The following ABI3BP variants were observed in gnomAD, a reference collection of about 807,000 sequenced individuals.
ABI3BP encodes the protein ABI family member 3 binding protein.
In ABI3BP, 216 loss-of-function variants were observed where a neutral mutation model predicts 268.6. The observed-to-expected ratio is 0.80, with a 90% CI of 0.72 to 0.90. ABI3BP has a LOEUF of 0.90. Among genes scored for constraint, ABI3BP ranks in the 40% least tolerant of loss-of-function variants. ABI3BP has a pLI of 0.00. For missense variants in ABI3BP, 2,090 were observed against 2,182.4 expected (o/e 0.96, Z 0.84); for synonymous variants, 730 against 730.0 (o/e 1.00, Z 0.00).
intron 44 of ABI3BP, among the ~76,000 whole-genome samples, chr3:100,814,194 C>G (rs1428582374): frequency 6.6e-6 from 1 of 152,020 alleles, no homozygotes; most frequent in East Asian, 1.9e-4. Flanking sequence ...AAATTGCTGA[C>G]TCCTGATTCA....
chr3:100,777,604 G>A (rs2096742665), intron 59 of ABI3BP, among the ~76,000 whole-genome samples: 1 of 152,178 alleles, frequency 6.6e-6, no homozygotes, highest in African/African-American at 2.4e-5. Flanking sequence ...TCAAGGACAA[G>A]AACAGAGAAG....
chr3:100,905,277 G>C (rs1489137677), intron 2 of ABI3BP, among the ~76,000 whole-genome samples: 1 of 152,008 alleles, frequency 6.6e-6, no homozygotes, highest in East Asian at 1.9e-4. Context: ...TGGGGTATGG[G>C]GGAAGGATAG....
chr3:100,952,449 C>T (rs1341694349), intron 1 of ABI3BP, among the ~76,000 whole-genome samples: 1 of 151,948 alleles, frequency 6.6e-6, no homozygotes, highest in East Asian at 1.9e-4. Flanking sequence ...TGATGTTTGC[C>T]TTTCATATGT....
At chr3:100,937,730 C>T (rs947504182) in intron 1 of ABI3BP, among the ~76,000 whole-genome samples, 8 of 152,002 alleles carry the variant, frequency 5.3e-5, no homozygotes, top group Non-Finnish European at 8.8e-5. Context: ...GCTCTAAGAA[C>T]GGACAATGCT....
At chr3:100,867,146 A>G (rs1209003991) in intron 9 of ABI3BP, among the ~76,000 whole-genome samples, 190 bp from the exon 10 acceptor site, 2 of 152,178 alleles carry the variant, frequency 1.3e-5, no homozygotes, top group African/African-American at 2.4e-5. Flanking sequence ...TTAACCCTAC[A>G]TAATTCTTTC....
intron 57 of ABI3BP, among the ~76,000 whole-genome samples, chr3:100,781,247 G>A (rs2096856076): frequency 6.6e-6 from 1 of 152,064 alleles, no homozygotes; most frequent in Admixed American, 6.6e-5. Context: ...TTTAATGTGT[G>A]GGCAGATATA....
At chr3:100,882,296 TA>T (rs570251995) in intron 6 of ABI3BP, among the ~76,000 whole-genome samples, 2 of 152,084 alleles carry the variant, frequency 1.3e-5, no homozygotes, top group South Asian at 4.1e-4. Flanking sequence ...TTCTTTGGAC[TA>T]AAATATACCT....
intron 1 of ABI3BP, among the ~76,000 whole-genome samples, chr3:100,944,386 C>T (rs1345963369): frequency 6.6e-6 from 1 of 151,982 alleles, no homozygotes; most frequent in African/African-American, 2.4e-5. Flanking sequence ...TCATTAAATT[C>T]CATTGGCCAA....
intron 2 of ABI3BP, among the ~76,000 whole-genome samples, chr3:100,919,584 A>G (rs2059642302): frequency 6.6e-6 from 1 of 152,218 alleles, no homozygotes; most frequent in Non-Finnish European, 1.5e-5. Context: ...TTTGCTTTTA[A>G]ATTTTTGAAA....
rs72928697 is a variant in ABI3BP at position 100,750,041 on chromosome 3, C to T, written c.*454G>A. 7,737 of 283,268 alleles carry T rather than the reference C, an allele frequency of 0.027. 426 individuals carry two copies. Among genetic ancestry groups the T allele is most frequent in the African/African-American group, 0.13 (6,085 of 46,538 alleles). The allele number at this position is 283,268 out of a possible 1,614,324, so 17.5% of individuals were successfully genotyped here. A position where few individuals can be genotyped will look rare whatever the true frequency, so the allele number is the denominator to read the frequency against. On this transcript the variant is annotated 3_prime_UTR_variant, in exon 68 of 68. Transcript: ENST00000471714. ...TTCGGACCTTTTTTCCCCAGATATA[C>T]ATGCTGAAGATAATTTGATCCAATA...
intron 38 of ABI3BP, 65 bp from the exon 39 acceptor site, chr3:100,821,178 T>C: frequency 1.4e-6 from 2 of 1,384,432 alleles, no homozygotes; most frequent in East Asian, 2.5e-5. Context: ...AAAACTTTTC[T>C]TCAAAAATGA....
At chr3:100,765,627 G>C (rs1334917656) in intron 63 of ABI3BP, among the ~76,000 whole-genome samples, 4 of 152,048 alleles carry the variant, frequency 2.6e-5, no homozygotes, top group Admixed American at 1.3e-4. Flanking sequence ...TAATTAACAA[G>C]ACCACCTTGT....
chr3:100,762,663 T>C (rs1010632310), intron 63 of ABI3BP, among the ~76,000 whole-genome samples: 2 of 152,220 alleles, frequency 1.3e-5, no homozygotes, highest in Non-Finnish European at 2.9e-5. Flanking sequence ...TTTTTTCTAA[T>C]GGAGATTTCA....
At position 100,864,054 on chromosome 3, in the gene ABI3BP, T is replaced by C. The variant is rs770276443; in HGVS notation, c.1086A>G (p.Glu362=). ...GAGGTATTAGAATAGTTTGCAATGTTTCCGGGGTCCTTTTGCTGAGAACTA... is the reference window on the plus strand; with the variant it reads ...GAGGTATTAGAATAGTTTGCAATGTCTCCGGGGTCCTTTTGCTGAGAACTA... ...TTLVLSKRTP[E]TLQTILIPQF... Residue 362 remains glutamate, a synonymous_variant, in exon 12 of 68, where the codon GAA becomes GAG. Transcript: ENST00000471714. The C allele has an allele frequency of 4.0e-5, 61 of 1,536,116 alleles. No homozygotes were observed. Among genetic ancestry groups the C allele is most frequent in the Non-Finnish European group, 5.3e-5 (61 of 1,146,796 alleles).
At chr3:100,848,725 C>A in intron 18 of ABI3BP, 76 bp downstream of exon 18, 1 of 1,449,784 alleles carries the variant, frequency 6.9e-7, no homozygotes, top group East Asian at 2.3e-5. Context: ...CTGCACCTGG[C>A]TATCCTTCTT....
chr3:100,814,914 G>C (rs1037400792), intron 44 of ABI3BP, among the ~76,000 whole-genome samples: 1 of 152,106 alleles, frequency 6.6e-6, no homozygotes, highest in South Asian at 2.1e-4. Context: ...AATGAGCCCT[G>C]TAATTGTCAA....
chr3:100,782,258 G>A lies in ABI3BP; in HGVS notation c.4163-2049C>T, dbSNP rs560797547. ...GTCCACCAAGTCACAGGGGCTGGTA[G>A]GTTAGAAATCTAGGAGCTCTGAAGA... is the stretch of plus-strand genomic sequence containing the variant. On this transcript the variant is annotated intron_variant, in intron 57 of 67. Coordinates refer to ENST00000471714, the MANE Select transcript of ABI3BP (RefSeq NM_001375547.2). Among the ~76,000 whole-genome samples the A allele has an allele frequency of 2.4e-4, 37 of 152,334 alleles. No individual in the cohort carries two copies. In the South Asian group the frequency reaches 2.9e-3, roughly 12 times the overall value.
chr3:100,904,833 C>T (rs2052468178), intron 2 of ABI3BP, among the ~76,000 whole-genome samples: 1 of 152,154 alleles, frequency 6.6e-6, no homozygotes, highest in South Asian at 2.1e-4. Context: ...CTAGTTCAAC[C>T]ATTATGGAAG....
At chr3:100,753,036 G>A (rs1450895426) in intron 65 of ABI3BP, 88 bp from the exon 66 acceptor site, 1 of 1,295,232 alleles carries the variant, frequency 7.7e-7, no homozygotes, top group Non-Finnish European at 1.0e-6. Context: ...TCAACTTGCT[G>A]ATACCTTTTT....
Sources: gnomAD v4.1 joint callset for allele counts (sites outside exome capture counted in the v4.1 genomes callset) on GRCh38, gnomAD v4.1.1 for gene constraint, MANE v1.5 for transcripts, NCBI Gene and HGNC (gene_info 2026-07-23, HGNC 2026-07-21) for gene names.